The following ASXL2 variants were observed in gnomAD, a reference collection of about 807,000 sequenced individuals.
ASXL2 encodes the protein ASXL transcriptional regulator 2.
In ASXL2, 23 loss-of-function variants were observed where a neutral mutation model predicts 122.0. That is an observed-to-expected ratio of 0.19 (90% CI 0.14 to 0.27). The LOEUF (loss-of-function observed/expected upper bound fraction) is 0.27. Among genes scored for constraint, ASXL2 ranks in the 10% least tolerant of loss-of-function variants. The pLI is 1.00. For missense variants in ASXL2, 1,518 were observed against 1,713.8 expected (o/e 0.89, Z 2.02); for synonymous variants, 650 against 637.0 (o/e 1.02, Z -0.31).
At chr2:25,870,489 A>G (rs986944489) in intron 1 of ASXL2, among the ~76,000 whole-genome samples, 2 of 152,158 alleles carry the variant, frequency 1.3e-5, no homozygotes, top group Non-Finnish European at 2.9e-5. Context: ...GCGCCACTGC[A>G]GTCTGTCGCC....
intron 5 of ASXL2, among the ~76,000 whole-genome samples, chr2:25,787,202 T>C (rs2088762156): frequency 6.6e-6 from 1 of 152,198 alleles, no homozygotes; most frequent in African/African-American, 2.4e-5. Flanking sequence ...CAGAACACTC[T>C]TTACCTGAGC....
chr2:25,877,642 C>A (rs947886113), intron 1 of ASXL2, among the ~76,000 whole-genome samples: 1 of 152,172 alleles, frequency 6.6e-6, no homozygotes, highest in Non-Finnish European at 1.5e-5. Context: ...AAAACAAAAG[C>A]CTCGTGATCT....
chr2:25,859,109 C>G (rs1350071262), intron 1 of ASXL2, among the ~76,000 whole-genome samples: 2 of 151,922 alleles, frequency 1.3e-5, no homozygotes, highest in African/African-American at 4.8e-5. Flanking sequence ...GCCACCACGC[C>G]TGGCCTTTTC....
At chr2:25,786,386 G>A (rs1380937091) in intron 5 of ASXL2, among the ~76,000 whole-genome samples, 5 of 151,786 alleles carry the variant, frequency 3.3e-5, no homozygotes, top group South Asian at 2.1e-4. Flanking sequence ...GACTACAGGC[G>A]CATGCCACCA....
At chr2:25,790,419 G>A (rs984398043) in intron 5 of ASXL2, among the ~76,000 whole-genome samples, 1 of 149,762 alleles carries the variant, frequency 6.7e-6, no homozygotes, top group East Asian at 2.0e-4. Flanking sequence ...TAAGACCTTG[G>A]TTAAAAAAAA....
At chr2:25,791,864 T>C (rs966024243) in intron 5 of ASXL2, among the ~76,000 whole-genome samples, 1 of 152,236 alleles carries the variant, frequency 6.6e-6, no homozygotes, top group Non-Finnish European at 1.5e-5. Flanking sequence ...TCTACTTATT[T>C]TTCTATCCCT....
intron 11 of ASXL2, among the ~76,000 whole-genome samples, chr2:25,751,956 G>A (rs2088054793): frequency 6.6e-6 from 1 of 151,986 alleles, no homozygotes; most frequent in South Asian, 2.1e-4. Context: ...ATTTTTTTTA[G>A]AGATGTGGTT....
At chr2:25,751,217 T>C (rs2088039250) in intron 11 of ASXL2, among the ~76,000 whole-genome samples, 1 of 152,190 alleles carries the variant, frequency 6.6e-6, no homozygotes, top group African/African-American at 2.4e-5. Flanking sequence ...AGTACTGTGC[T>C]TCTGAGATGG....
Position 25,740,491 on chromosome 2 carries a change from T to A in ASXL2, c.*1538A>T, listed in dbSNP as rs1237872031. ...CAAATTAGGAGACTTGAAATCAATA[T>A]GCAAATGATGCAAATTGACACTCCC... On this transcript the variant is annotated 3_prime_UTR_variant, in exon 13 of 13. Coordinates refer to ENST00000435504, the MANE Select transcript of ASXL2 (RefSeq NM_018263.6). The A allele has an allele frequency of 8.8e-6, 2 of 227,822 alleles. No homozygotes were observed. Among genetic ancestry groups the A allele is most frequent in the Non-Finnish European group, 1.7e-5 (2 of 114,878 alleles). 14.1% of individuals were successfully genotyped at this position (227,822 alleles called of 1,614,324 possible).
At chr2:25,819,877 T>G (rs1358239104) in intron 3 of ASXL2, among the ~76,000 whole-genome samples, 1 of 152,182 alleles carries the variant, frequency 6.6e-6, no homozygotes, top group Non-Finnish European at 1.5e-5. Flanking sequence ...TTAGAAAATA[T>G]ATTCTGAAGT....
chr2:25,856,950 A>G, intron 1 of ASXL2: 1 of 530,276 alleles, frequency 1.9e-6, no homozygotes, highest in South Asian at 3.1e-5. Flanking sequence ...TTTTAATACT[A>G]CATAGGCTAC....
intron 1 of ASXL2, among the ~76,000 whole-genome samples, chr2:25,866,910 ATT>A (rs1559532807): frequency 7.1e-6 from 1 of 140,354 alleles, no homozygotes; most frequent in African/African-American, 2.7e-5. Flanking sequence ...TTTTTTTTTT[ATT>A]TTTTTGAGAC....
intron 5 of ASXL2, among the ~76,000 whole-genome samples, chr2:25,775,161 CTT>C (rs1300122852): frequency 6.6e-6 from 1 of 151,880 alleles, no homozygotes; most frequent in African/African-American, 2.4e-5. Flanking sequence ...GAGTTTCGCT[CTT>C]GTCACCCAGA....
Position 25,798,784 on chromosome 2 carries a change from T to C in ASXL2, c.403+601A>G, listed in dbSNP as rs568027533. ...CGTCTCAAAAAAAAGTCAGTGGTTG[T>C]CAGGGGTTAGGAGGCAGGAAGGGAT... On this transcript the variant is annotated intron_variant, in intron 5 of 12. Transcript: ENST00000435504. Among the ~76,000 whole-genome samples, 19 of 152,142 alleles carry C rather than the reference T, an allele frequency of 1.2e-4. No homozygotes were observed. The East Asian group carries it at 2.7e-3, about 22-fold the overall frequency.
rs59180424 is a variant in ASXL2 at position 25,784,053 on chromosome 2, C to CTAAATAAATAAATAAA, written c.404-12529_404-12514dup. Among the ~76,000 whole-genome samples the CTAAATAAATAAATAAA allele has an allele frequency of 2.1e-3, 295 of 138,468 alleles. 1 individual carries two copies. The highest frequency in any genetic ancestry group is 6.5e-3 in the African/African-American group (237 of 36,732). The allele number at this position is 138,468 out of a possible 152,430, so 90.8% of individuals were successfully genotyped here. The stretch of plus-strand genomic sequence containing the variant: ...TGGGCGAAAGAGTGAAACTCCATCT[C>CTAAATAAATAAATAAA]TAAATAAATAAATAAATAAATAAAT... On this transcript the variant is annotated intron_variant, in intron 5 of 12. Coordinates refer to ENST00000435504, the MANE Select transcript of ASXL2 (RefSeq NM_018263.6).
intron 5 of ASXL2, among the ~76,000 whole-genome samples, chr2:25,787,974 A>G (rs2088775258): frequency 6.6e-6 from 1 of 152,366 alleles, no homozygotes; most frequent in South Asian, 2.1e-4. Context: ...ATCAGGATTA[A>G]TAATAAAGCT....
chr2:25,754,973 A>T (rs1413623180), intron 10 of ASXL2, among the ~76,000 whole-genome samples: 8 of 152,222 alleles, frequency 5.3e-5, no homozygotes, highest in African/African-American at 1.9e-4. Flanking sequence ...AACAATCTAG[A>T]TTATATATTA....
rs190012053 is a variant in ASXL2 at position 25,738,731 on chromosome 2, C to G, written c.*3298G>C. 1 of 152,122 alleles carries G rather than the reference C, an allele frequency of 6.6e-6. No individual in the cohort carries two copies. The highest frequency in any genetic ancestry group is 2.4e-5 in the African/African-American group (1 of 41,414). 9.4% of individuals were successfully genotyped at this position (152,122 alleles called of 1,614,324 possible). A position where few individuals can be genotyped will look rare whatever the true frequency, so the allele number is the denominator to read the frequency against. Reference sequence around the variant, plus strand: ...GGTCATTAATATGTATGACTTTGCACCTTCACCTGGAAGGCAATGAGGTCT... The same window carrying G: ...GGTCATTAATATGTATGACTTTGCAGCTTCACCTGGAAGGCAATGAGGTCT... On this transcript the variant is annotated 3_prime_UTR_variant, in exon 13 of 13. Transcript: ENST00000435504.
chr2:25,799,992 G>A (rs1156271227), intron 4 of ASXL2, among the ~76,000 whole-genome samples: 3 of 120,318 alleles, frequency 2.5e-5, no homozygotes, highest in African/African-American at 6.6e-5. Flanking sequence ...AAAAAAAAAT[G>A]CAAAAAAAAA....
Sources: allele counts gnomAD v4.1 joint callset (sites outside exome capture counted in the v4.1 genomes callset), GRCh38; gene constraint gnomAD v4.1.1; transcripts MANE v1.5; gene names NCBI Gene and HGNC (gene_info 2026-07-23, HGNC 2026-07-21).